The following MDFIC variants were observed in gnomAD, a reference collection of about 807,000 sequenced individuals.
MDFIC encodes MyoD family inhibitor domain containing, also known as myoD family inhibitor domain-containing protein.
A neutral mutation model predicts 23.2 loss-of-function variants in MDFIC; 17 were observed. The observed-to-expected ratio is 0.73, with a 90% confidence interval of 0.50 to 1.10. MDFIC has a LOEUF of 1.10. Ranked by LOEUF, MDFIC falls within the 50% of genes least tolerant of loss-of-function variation. The pLI, the probability that MDFIC is intolerant of heterozygous loss-of-function variation, is 0.00. For missense variants in MDFIC, 356 were observed against 316.6 expected (o/e 1.12, Z -0.95); for synonymous variants, 120 against 115.2 (o/e 1.04, Z -0.27).
chr7:114,932,508 G>A (rs1792333225), intron 2 of MDFIC, among the ~76,000 whole-genome samples: 1 of 152,188 alleles, frequency 6.6e-6, no homozygotes, highest in African/African-American at 2.4e-5. Context: ...GATGAATTTT[G>A]GGAAATGTTG....
chr7:114,954,707 T>C lies in MDFIC; in HGVS notation c.217+12310T>C, dbSNP rs1010624923. On this transcript the variant is annotated intron_variant, in intron 3 of 4. Transcript: ENST00000393486. ...TTAAGCACAGCTCCTGGTAGTCAAA[T>C]CCAGTTCTGGTCTACATGCCTGATA... 3.3e-5 allele frequency among the ~76,000 whole-genome samples: 5 copies of C among 152,224 alleles called. No homozygotes were observed. In the East Asian group the frequency reaches 9.6e-4, roughly 29 times the overall value.
At chr7:114,973,702 G>C (rs1011010258) in intron 3 of MDFIC, among the ~76,000 whole-genome samples, 3 of 152,126 alleles carry the variant, frequency 2.0e-5, no homozygotes, top group Non-Finnish European at 4.4e-5. Flanking sequence ...GGGGATGGGG[G>C]TAGTTGTACT....
chr7:115,018,701 G>A lies in MDFIC; in HGVS notation c.*2766G>A, dbSNP rs2116172068. 1 of 152,434 alleles carries A rather than the reference G, an allele frequency of 6.6e-6. No homozygotes were observed. Among genetic ancestry groups the A allele is most frequent in the African/African-American group, 2.4e-5 (1 of 41,542 alleles). 9.4% of individuals were successfully genotyped at this position (152,434 alleles called of 1,614,324 possible). A position where few individuals can be genotyped will look rare whatever the true frequency, so the allele number is the denominator to read the frequency against. ...AGGCTTTTAAAATATTTTAAAACTG[G>A]ACCTGTATTATCCTGAATACACTAT... On this transcript the variant is annotated 3_prime_UTR_variant, in exon 5 of 5. Transcript: ENST00000393486.
chr7:115,001,509 G>A (rs1791465261), intron 4 of MDFIC, among the ~76,000 whole-genome samples: 1 of 152,158 alleles, frequency 6.6e-6, no homozygotes, highest in African/African-American at 2.4e-5. Context: ...ATTTTAGAAG[G>A]AACATTTTAA....
In MDFIC at chr7:114,952,029, T is replaced by C. The variant is rs557337465; in HGVS notation, c.217+9632T>C. 2.0e-5 allele frequency among the ~76,000 whole-genome samples: 3 copies of C among 152,336 alleles called. No homozygotes were observed. The South Asian group carries it at 6.2e-4, about 32-fold the overall frequency. ...CCACAACCGCGTAGTTTCGCACCCA[T>C]GATGCTGGGCCTGGCTGCAAGCATT... is the stretch of plus-strand genomic sequence containing the variant. On this transcript the variant is annotated intron_variant, in intron 3 of 4. Coordinates refer to ENST00000393486, the MANE Select transcript of MDFIC (RefSeq NM_001166345.3).
intron 2 of MDFIC, among the ~76,000 whole-genome samples, chr7:114,928,570 T>C (rs1792242342): frequency 6.6e-6 from 1 of 152,130 alleles, no homozygotes. Flanking sequence ...TTACAGAATA[T>C]TGGGTACTTC....
chr7:114,960,162 A>T (rs1792959357), intron 3 of MDFIC, among the ~76,000 whole-genome samples: 1 of 152,104 alleles, frequency 6.6e-6, no homozygotes, highest in Non-Finnish European at 1.5e-5. Flanking sequence ...TCACTACCTC[A>T]CGGGGTTGGT....
At chr7:114,946,599 A>T (rs1233563953) in intron 3 of MDFIC, among the ~76,000 whole-genome samples, 1 of 152,160 alleles carries the variant, frequency 6.6e-6, no homozygotes, top group African/African-American at 2.4e-5. Context: ...CCATGATCTG[A>T]AGCAAAGTTA....
intron 3 of MDFIC, among the ~76,000 whole-genome samples, chr7:114,966,142 G>A (rs890967223): frequency 6.6e-6 from 1 of 152,088 alleles, no homozygotes; most frequent in Non-Finnish European, 1.5e-5. Context: ...ATTAATGAAA[G>A]CAATCTTTTG....
At chr7:114,965,499 T>G (rs746831941) in intron 3 of MDFIC, among the ~76,000 whole-genome samples, 1 of 152,128 alleles carries the variant, frequency 6.6e-6, no homozygotes, top group Non-Finnish European at 1.5e-5. Flanking sequence ...ATAACCTAGA[T>G]AAGAGATGAT....
intron 3 of MDFIC, among the ~76,000 whole-genome samples, chr7:114,975,167 G>A (rs1350650775): frequency 1.3e-5 from 2 of 151,950 alleles, no homozygotes; most frequent in African/African-American, 4.8e-5. Context: ...CAAACAAAAT[G>A]CCAGCTTTCT....
At chr7:114,940,085 A>G (rs1262404019) in intron 2 of MDFIC, among the ~76,000 whole-genome samples, 4 of 152,254 alleles carry the variant, frequency 2.6e-5, no homozygotes, top group Non-Finnish European at 5.9e-5. Context: ...ATTGAAACTA[A>G]CATATCTCAT....
chr7:115,015,629 AC>A, intron 4 of MDFIC, 58 bp from the exon 5 acceptor site: 1 of 1,572,214 alleles, frequency 6.4e-7, no homozygotes, highest in African/African-American at 1.3e-5. Context: ...AATTGATAAC[AC>A]GTATTTTGTG....
intron 2 of MDFIC, among the ~76,000 whole-genome samples, chr7:114,933,509 G>A (rs1266542546): frequency 1.3e-5 from 2 of 152,038 alleles, no homozygotes; most frequent in Admixed American, 6.6e-5. Context: ...CACCTGCCTC[G>A]GCCTCTCAAA....
intron 4 of MDFIC, among the ~76,000 whole-genome samples, chr7:114,996,884 T>C (rs1250895604): frequency 6.6e-6 from 1 of 152,152 alleles, no homozygotes; most frequent in Non-Finnish European, 1.5e-5. Flanking sequence ...TGGGCCATTA[T>C]GCCACTGTAG....
intron 3 of MDFIC, among the ~76,000 whole-genome samples, chr7:114,954,663 G>T (rs1242105500): frequency 6.6e-6 from 1 of 152,112 alleles, no homozygotes; most frequent in East Asian, 1.9e-4. Flanking sequence ...TCTCATTACT[G>T]GGTCATTGTA....
intron 3 of MDFIC, among the ~76,000 whole-genome samples, chr7:114,966,940 AAT>A (rs1437686346): frequency 6.6e-6 from 1 of 152,338 alleles, no homozygotes; most frequent in African/African-American, 2.4e-5. Flanking sequence ...TGAAGGTGCT[AAT>A]ATTCAGTCAT....
intron 3 of MDFIC, among the ~76,000 whole-genome samples, chr7:114,948,673 T>A (rs1392651950): frequency 6.6e-6 from 1 of 152,138 alleles, no homozygotes; most frequent in African/African-American, 2.4e-5. Flanking sequence ...TTCTAACAGA[T>A]GTGTGTAATC....
intron 4 of MDFIC, among the ~76,000 whole-genome samples, chr7:114,995,933 T>C (rs1385312309): frequency 6.6e-6 from 1 of 152,198 alleles, no homozygotes; most frequent in Non-Finnish European, 1.5e-5. Context: ...AGACTGCAGC[T>C]GTTCCTATTT....
Sources: allele counts gnomAD v4.1 joint callset (sites outside exome capture counted in the v4.1 genomes callset), GRCh38; gene constraint gnomAD v4.1.1; transcripts MANE v1.5; gene names NCBI Gene and HGNC (gene_info 2026-07-23, HGNC 2026-07-21).